Variants in RIPOR2 observed in about 807,000 individuals in gnomAD.
The protein encoded by RIPOR2 is rho family-interacting cell polarization regulator 2.
A neutral mutation model predicts 114.5 loss-of-function variants in RIPOR2; 39 were observed. That is an observed-to-expected ratio of 0.34 (90% CI 0.26 to 0.44). RIPOR2 has a LOEUF of 0.44. Ranked by LOEUF, RIPOR2 falls within the 20% of genes least tolerant of loss-of-function variation. The pLI is 1.00. For synonymous variants in RIPOR2, 445 were observed against 484.4 expected (o/e 0.92, Z 1.07); for missense variants, 1,007 against 1,255.1 (o/e 0.80, Z 2.99).
In RIPOR2 at chr6:24,954,455, C is replaced by T. The variant is rs76185914; in HGVS notation, c.77-78638G>A. 3.6e-3 allele frequency among the ~76,000 whole-genome samples: 415 copies of T among 116,236 alleles called. 10 individuals carry two copies. The highest frequency in any genetic ancestry group is 0.012 in the African/African-American group (344 of 28,204). The allele number at this position is 116,236 out of a possible 152,430, so 76.3% of individuals were successfully genotyped here. ...AACTGTGCAGGCCCAGTCTCTCTCT[C>T]CTTTTTTTTTTTTTTTTTGAGACAG... On this transcript the variant is annotated intron_variant, in intron 1 of 13. Transcript: ENST00000510784.
At chr6:24,875,987 A>G (rs1023362992) in intron 1 of RIPOR2, among the ~76,000 whole-genome samples, 170 bp from the exon 2 acceptor site, 3 of 152,136 alleles carry the variant, frequency 2.0e-5, no homozygotes, top group Admixed American at 6.5e-5. Flanking sequence ...CTCTCAAAAG[A>G]ATAAAAAAGA....
chr6:25,021,970 A>C (rs1776344642), intron 1 of RIPOR2, among the ~76,000 whole-genome samples: 1 of 152,210 alleles, frequency 6.6e-6, no homozygotes, highest in Non-Finnish European at 1.5e-5. Context: ...TAATTGGTTT[A>C]TAAGAGAAAC....
chr6:24,907,043 C>T (rs1769072259), intron 1 of RIPOR2, among the ~76,000 whole-genome samples: 1 of 152,132 alleles, frequency 6.6e-6, no homozygotes, highest in African/African-American at 2.4e-5. Flanking sequence ...TGGGATTCTC[C>T]CAAATTATAT....
At chr6:24,945,192 G>C (rs1260449366) in intron 1 of RIPOR2, among the ~76,000 whole-genome samples, 3 of 151,952 alleles carry the variant, frequency 2.0e-5, no homozygotes, top group Non-Finnish European at 2.9e-5. Flanking sequence ...AAAGGGGACA[G>C]CATATATAAA....
chr6:24,950,425 C>A (rs927817396), intron 1 of RIPOR2, among the ~76,000 whole-genome samples: 3 of 152,146 alleles, frequency 2.0e-5, no homozygotes, highest in Non-Finnish European at 4.4e-5. Flanking sequence ...CTTGCACAAT[C>A]CTGTAATCTC....
intron 1 of RIPOR2, chr6:24,877,468 A>G: frequency 2.6e-6 from 1 of 385,632 alleles, no homozygotes; most frequent in South Asian, 1.1e-4. Context: ...ATTTTAGGGC[A>G]TTCTCCAGAA....
chr6:24,992,416 A>C (rs1774864113), intron 1 of RIPOR2, among the ~76,000 whole-genome samples: 1 of 152,348 alleles, frequency 6.6e-6, no homozygotes, highest in South Asian at 2.1e-4. Context: ...TGGTATTCCT[A>C]TACACTAGCA....
Position 24,818,634 on chromosome 6 carries a change from GA to G in RIPOR2, c.2869-10del. On this transcript the variant is annotated splice_polypyrimidine_tract_variant and intron_variant, in intron 19 of 21. Coordinates refer to ENST00000643898, the MANE Select transcript of RIPOR2 (RefSeq NM_001286445.3). ...CAGTAATAGAGCAAGGCCTGAAAGA[GA>G]AGGAGGGACCTCATGAAGGCATTTT... 6.5e-7 allele frequency: 1 copy of G among 1,535,672 alleles called. No individual in the cohort carries two copies.
chr6:24,834,889 G>T (rs1760992988), intron 15 of RIPOR2, among the ~76,000 whole-genome samples: 1 of 152,178 alleles, frequency 6.6e-6, no homozygotes, highest in Non-Finnish European at 1.5e-5. Flanking sequence ...CTCCCAAAGT[G>T]CTGGGACTAT....
intron 1 of RIPOR2, among the ~76,000 whole-genome samples, chr6:24,895,370 G>A (rs1050848027): frequency 2.6e-5 from 4 of 151,790 alleles, no homozygotes; most frequent in African/African-American, 9.7e-5. Flanking sequence ...TTTTAAAAAT[G>A]TCATTGCCCA....
At position 24,825,349 on chromosome 6, in the gene RIPOR2, G is replaced by C; in HGVS notation, c.2745C>G (p.Leu915=). The change falls in exon 19 of 22, where the codon CTC becomes CTG. Residue 915 remains leucine, a synonymous_variant. Transcript: ENST00000643898. ...QTMSDLAPSN[L]LAQQEVLRTL... The stretch of plus-strand genomic sequence containing the variant: ...TCCTGAGTACTTCCTGCTGGGCCAG[G>C]AGGTTGCTGGGAGCAAGGTCACTCA... The C allele has an allele frequency of 1.3e-6, 2 of 1,552,038 alleles. No homozygotes were observed. Among genetic ancestry groups the C allele is most frequent in the South Asian group, 2.4e-5 (2 of 84,048 alleles).
chr6:24,861,690 G>A (rs1341864011), intron 7 of RIPOR2, among the ~76,000 whole-genome samples: 1 of 152,068 alleles, frequency 6.6e-6, no homozygotes, highest in African/African-American at 2.4e-5. Flanking sequence ...GTTTTTATTT[G>A]CCAATTACAA....
intron 1 of RIPOR2, among the ~76,000 whole-genome samples, chr6:25,026,914 C>G (rs1490121100): frequency 1.3e-5 from 2 of 152,170 alleles, no homozygotes; most frequent in Non-Finnish European, 2.9e-5. Context: ...CCATGCTCCA[C>G]AGGCCCTAGA....
intron 1 of RIPOR2, among the ~76,000 whole-genome samples, chr6:25,005,691 GGA>G (rs1491192830): frequency 5.2e-4 from 18 of 34,850 alleles, no homozygotes; most frequent in African/African-American, 8.7e-4. Flanking sequence ...AAATCCCTAT[GGA>G]GATATATATA....
chr6:24,835,905 T>C (rs1761069216), intron 14 of RIPOR2, 34 bp from the exon 15 acceptor site: 1 of 1,548,704 alleles, frequency 6.5e-7, no homozygotes, highest in Non-Finnish European at 8.7e-7. Flanking sequence ...AGCTATTCTT[T>C]TTCTGTGCAC....
At chr6:24,976,409 G>T in intron 1 of RIPOR2, 1 of 1,508,274 alleles carries the variant, frequency 6.6e-7, no homozygotes, top group South Asian at 1.1e-5. Flanking sequence ...AAAACCGTGT[G>T]CTATTAGCCA....
chr6:24,927,318 T>TC, intron 1 of RIPOR2, among the ~76,000 whole-genome samples: 1 of 4,024 alleles, frequency 2.5e-4, no homozygotes, highest in Admixed American at 1.7e-3. Flanking sequence ...CTACAATCAC[T>TC]ACCACCATCA....
chr6:24,886,142 C>T (rs916639723), intron 1 of RIPOR2, among the ~76,000 whole-genome samples: 8 of 152,220 alleles, frequency 5.3e-5, no homozygotes, highest in Non-Finnish European at 8.8e-5. Context: ...TACACACACA[C>T]ACACACATTA....
At chr6:24,810,159 T>C (rs991574873) in intron 20 of RIPOR2, among the ~76,000 whole-genome samples, 1 of 152,180 alleles carries the variant, frequency 6.6e-6, no homozygotes, top group South Asian at 2.1e-4. Context: ...AAAACCACTT[T>C]ACCTATGGGG....
Sources: allele counts gnomAD v4.1 joint callset (sites outside exome capture counted in the v4.1 genomes callset), GRCh38; gene constraint gnomAD v4.1.1; transcripts MANE v1.5; gene names NCBI Gene and HGNC (gene_info 2026-07-23, HGNC 2026-07-21).